The following SHF variants were observed in gnomAD, a reference collection of about 807,000 sequenced individuals.
SHF encodes the protein SH2 domain-containing adapter protein F.
A neutral mutation model predicts 42.4 loss-of-function variants in SHF; 30 were observed. That is an observed-to-expected ratio of 0.71 (90% CI 0.53 to 0.96). SHF has a LOEUF of 0.96. Ranked by LOEUF, SHF falls within the 40% of genes least tolerant of loss-of-function variation. The probability of loss-of-function intolerance (pLI) is 0.00; values close to 1 mark genes in which losing one functional copy is unlikely to be tolerated. For synonymous variants in SHF, 264 were observed against 269.9 expected, an observed-to-expected ratio of 0.98 and a Z score of 0.21; for missense variants, 598 against 634.0, an observed-to-expected ratio of 0.94 and a Z score of 0.61.
Position 45,187,891 on chromosome 15 carries a change from C to A in SHF, c.61G>T (p.Ala21Ser), listed in dbSNP as rs910223360. The A allele has an allele frequency of 4.2e-6, 5 of 1,183,362 alleles. No homozygotes were observed. Among genetic ancestry groups the A allele is most frequent in the Admixed American group, 9.0e-5 (2 of 22,172 alleles). 73.3% of individuals were successfully genotyped at this position (1,183,362 alleles called of 1,614,324 possible). Residue 21 changes from alanine to serine, a missense_variant, in exon 1 of 7, where the codon GCT becomes TCT. Ala to Ser is a moderately conservative substitution (Grantham distance 99). Transcript: ENST00000690270. ...CGGGACCCCCCCGGGCCGCCCCCAG[C>A]GCTCCCCTGCGTTCGCGGCCCCGGG... The part of the protein sequence containing the change: ...SRPGPRTQGS[A>S]GGGPGGSRRG...
At position 45,172,136 on chromosome 15, in the gene SHF, C is replaced by T. The variant is rs775234925; in HGVS notation, c.1160+11G>A. On this transcript the variant is annotated intron_variant, in intron 5 of 6. Coordinates refer to ENST00000690270, the MANE Select transcript of SHF (RefSeq NM_001394037.1). Reference sequence around the variant, plus strand: ...TGGGGAGGGAGTCCCCAGCTGGACACAGACACTCACACCTGGTTTTCCAGA... The same window carrying T: ...TGGGGAGGGAGTCCCCAGCTGGACATAGACACTCACACCTGGTTTTCCAGA... 3.7e-6 allele frequency: 6 copies of T among 1,613,936 alleles called. No homozygotes were observed. In the South Asian group the frequency reaches 5.5e-5, roughly 15 times the overall value.
chr15:45,170,649 T>TC, intron 6 of SHF: 13 of 269,932 alleles, frequency 4.8e-5, no homozygotes, highest in Non-Finnish European at 7.8e-5. Flanking sequence ...CTTTTTCTTT[T>TC]TTTTTTTTTT....
intron 2 of SHF, among the ~76,000 whole-genome samples, chr15:45,176,967 C>T (rs1009691931): frequency 4.6e-5 from 7 of 152,148 alleles, no homozygotes; most frequent in East Asian, 1.9e-4. Flanking sequence ...GACCTTCACC[C>T]TCATCTTTCC....
intron 1 of SHF, among the ~76,000 whole-genome samples, chr15:45,186,327 C>G (rs538134352): frequency 3.3e-5 from 5 of 152,368 alleles, no homozygotes; most frequent in Non-Finnish European, 7.3e-5. Context: ...TCTGGCGGAA[C>G]GGCGCTCTCT....
intron 1 of SHF, among the ~76,000 whole-genome samples, chr15:45,184,443 T>C (rs1314264244): frequency 6.6e-6 from 1 of 152,156 alleles, no homozygotes; most frequent in East Asian, 1.9e-4. Flanking sequence ...ATAGGAAATA[T>C]CTGCACACAA....
chr15:45,189,747 G>GC (rs1205104715), upstream of SHF, among the ~76,000 whole-genome samples: 7 of 131,668 alleles, frequency 5.3e-5, no homozygotes, highest in East Asian at 3.2e-4. Flanking sequence ...GGAGTTCAAA[G>GC]CGGGGGGTGT....
intron 2 of SHF, among the ~76,000 whole-genome samples, chr15:45,195,077 C>T (rs1898826087): frequency 6.6e-6 from 1 of 152,114 alleles, no homozygotes; most frequent in South Asian, 2.1e-4. Context: ...AGTGATCCTC[C>T]TGCCTCGGCC....
At chr15:45,190,110 C>A (rs1279021484), upstream of SHF, among the ~76,000 whole-genome samples, 1 of 152,156 alleles carries the variant, frequency 6.6e-6, no homozygotes, top group African/African-American at 2.4e-5. Flanking sequence ...CTAGGTCTAG[C>A]TGGGGTGGGG....
Position 45,167,826 on chromosome 15 carries a change from CTACTGGATCCCAGGAGAAGA to C in SHF, c.*101_*120del. 1 of 977,752 alleles carries C rather than the reference CTACTGGATCCCAGGAGAAGA, an allele frequency of 1.0e-6. No individual in the cohort carries two copies. The highest frequency in any genetic ancestry group is 3.0e-5 in the South Asian group (1 of 33,370). 60.6% of individuals were successfully genotyped at this position (977,752 alleles called of 1,614,324 possible). On this transcript the variant is annotated 3_prime_UTR_variant, in exon 7 of 7. Transcript: ENST00000690270. ...GAATAAATTAAGGAATCTCCAGCTT[CTACTGGATCCCAGGAGAAGA>C]AAGGTTTGAAAGATCACGTCCCTGG...
chr15:45,170,445 T>G (rs1328036138), intron 6 of SHF: 2 of 1,288,150 alleles, frequency 1.6e-6, no homozygotes, highest in South Asian at 1.2e-5. Flanking sequence ...GGGAAATGCT[T>G]CTTTGATTTT....
Position 45,187,736 on chromosome 15 carries a change from G to A in SHF, c.216C>T (p.Pro72=), listed in dbSNP as rs1392628064. 2.0e-6 allele frequency: 2 copies of A among 977,018 alleles called. No individual in the cohort carries two copies. Among genetic ancestry groups the A allele is most frequent in the Admixed American group, 4.4e-5 (1 of 22,626 alleles). 60.5% of individuals were successfully genotyped at this position (977,018 alleles called of 1,614,324 possible). Residue 72 remains proline, a synonymous_variant, in exon 1 of 7, where the codon CCC becomes CCT. Coordinates refer to ENST00000690270, the MANE Select transcript of SHF (RefSeq NM_001394037.1). ...GCGCAGGGGGGCGGTAGTCGGGCTC[G>A]GGGGGCGCCGGCTTGCTGCCCCCTC... The part of the protein sequence containing the change: ...GGGGGSKPAP[P]EPDYRPPAPS...
At chr15:45,185,195 G>T (rs1316328423) in intron 1 of SHF, among the ~76,000 whole-genome samples, 1 of 152,224 alleles carries the variant, frequency 6.6e-6, no homozygotes, top group Non-Finnish European at 1.5e-5. Context: ...GCACATCCCT[G>T]TTCCCAGGCC....
chr15:45,177,691 G>T (rs1457627551), intron 2 of SHF, among the ~76,000 whole-genome samples: 3 of 151,998 alleles, frequency 2.0e-5, no homozygotes, highest in African/African-American at 7.3e-5. Context: ...TCTTTCCCCT[G>T]GACTGTCTCT....
intron 2 of SHF, among the ~76,000 whole-genome samples, chr15:45,175,884 T>C (rs1595619371): frequency 4.0e-5 from 6 of 151,780 alleles, no homozygotes; most frequent in African/African-American, 1.5e-4. Context: ...AATGGCACGA[T>C]CTCGGCTCAC....
At position 45,181,912 on chromosome 15, in the gene SHF, A is replaced by G. The variant is rs548674272; in HGVS notation, c.499-3606T>C. On this transcript the variant is annotated intron_variant, in intron 1 of 6. Coordinates refer to ENST00000690270, the MANE Select transcript of SHF (RefSeq NM_001394037.1). ...TAGGCACATTCTCTGATATAGCCAGAATGCTGCTGAAATGCTGAAAGATTT... is the reference window on the plus strand; with the variant it reads ...TAGGCACATTCTCTGATATAGCCAGGATGCTGCTGAAATGCTGAAAGATTT... 5.9e-5 allele frequency among the ~76,000 whole-genome samples: 9 copies of G among 152,374 alleles called. No homozygotes were observed. The South Asian group carries it at 1.9e-3, about 32-fold the overall frequency.
At chr15:45,190,912 C>T (rs949475479), upstream of SHF, among the ~76,000 whole-genome samples, 1 of 152,138 alleles carries the variant, frequency 6.6e-6, no homozygotes, top group Non-Finnish European at 1.5e-5. Context: ...AATGTACTTT[C>T]CTCCATTACC....
intron 2 of SHF, among the ~76,000 whole-genome samples, chr15:45,193,340 C>T (rs1463458400): frequency 6.6e-6 from 1 of 152,180 alleles, no homozygotes; most frequent in East Asian, 1.9e-4. Flanking sequence ...GTACATTGGT[C>T]TGGTCTGGAA....
In SHF at chr15:45,196,314, G is replaced by A. The variant is rs575162094; in HGVS notation, c.303+2458C>T. 5.0e-4 allele frequency among the ~76,000 whole-genome samples: 76 copies of A among 152,190 alleles called. 1 individual carries two copies. The highest frequency in any genetic ancestry group is 1.6e-3 in the African/African-American group (65 of 41,544). ...TCCCCATGTTGGCCAGGCTGGTCTC[G>A]AACTCCTGACCTCAGGTGATCCACC... is the stretch of plus-strand genomic sequence containing the variant. On this transcript the variant is annotated intron_variant, in intron 2 of 7. Coordinates refer to the SHF transcript ENST00000290894.
intron 2 of SHF, among the ~76,000 whole-genome samples, chr15:45,193,061 A>G (rs956614870): frequency 2.0e-5 from 3 of 152,174 alleles, no homozygotes; most frequent in Non-Finnish European, 4.4e-5. Context: ...ATATTCTGAG[A>G]ACTTTTAGCT....
Sources: gnomAD v4.1 joint callset for allele counts (sites outside exome capture counted in the v4.1 genomes callset) on GRCh38, gnomAD v4.1.1 for gene constraint, MANE v1.5 for transcripts, NCBI Gene and HGNC (gene_info 2026-07-23, HGNC 2026-07-21) for gene names.